Variants in LRRTM4 observed in about 807,000 individuals in gnomAD.
LRRTM4 encodes leucine rich repeat transmembrane neuronal 4, also known as leucine-rich repeat transmembrane neuronal protein 4.
In LRRTM4, 25 loss-of-function variants were observed where a neutral mutation model predicts 47.6. The observed-to-expected ratio is 0.53, with a 90% CI of 0.38 to 0.73. LRRTM4 has a LOEUF of 0.73. Among genes scored for constraint, LRRTM4 ranks in the 30% least tolerant of loss-of-function variants. The probability of loss-of-function intolerance (pLI) is 0.00; values close to 1 mark genes in which losing one functional copy is unlikely to be tolerated. For missense variants in LRRTM4, 638 were observed against 713.4 expected (o/e 0.89, Z 1.20); for synonymous variants, 311 against 269.5 (o/e 1.15, Z -1.51).
At chr2:77,215,339 G>T (rs542986535) in intron 3 of LRRTM4, among the ~76,000 whole-genome samples, 61 of 152,252 alleles carry the variant, frequency 4.0e-4, no homozygotes, top group African/African-American at 1.3e-3. Context: ...TAGTAAAAAG[G>T]TGTTTTAGAT....
chr2:77,145,203 ATGTGTGTGTG>A (rs575140760), intron 3 of LRRTM4, among the ~76,000 whole-genome samples: 1 of 147,956 alleles, frequency 6.8e-6, no homozygotes, highest in African/African-American at 2.5e-5. Context: ...ACAGATATGT[ATGTGTGTGTG>A]TGTGTGTGTG....
chr2:76,786,382 TCCC>T (rs750830287), intron 3 of LRRTM4, among the ~76,000 whole-genome samples: 2 of 152,078 alleles, frequency 1.3e-5, no homozygotes, highest in African/African-American at 4.8e-5. Context: ...GGCAAATTGG[TCCC>T]CCAAGACTCC....
chr2:76,895,320 T>C (rs1673376637), intron 3 of LRRTM4, among the ~76,000 whole-genome samples: 1 of 152,078 alleles, frequency 6.6e-6, no homozygotes, highest in Non-Finnish European at 1.5e-5. Flanking sequence ...TACTCTCCAA[T>C]TGCTGTACCC....
intron 3 of LRRTM4, among the ~76,000 whole-genome samples, chr2:76,771,787 TA>T (rs1411700013): frequency 3.3e-5 from 5 of 152,166 alleles, no homozygotes; most frequent in African/African-American, 1.2e-4. Flanking sequence ...CCTTTGCCTC[TA>T]ATGCTGTAGA....
intron 3 of LRRTM4, among the ~76,000 whole-genome samples, chr2:77,316,552 CTTT>C (rs11302099): frequency 2.1e-5 from 3 of 146,218 alleles, no homozygotes; most frequent in Non-Finnish European, 4.5e-5. Flanking sequence ...AAATTGCTAT[CTTT>C]TTTTTTTTTT....
chr2:77,175,898 A>G (rs1673182853), intron 3 of LRRTM4, among the ~76,000 whole-genome samples: 2 of 151,312 alleles, frequency 1.3e-5, no homozygotes, highest in Non-Finnish European at 2.9e-5. Context: ...ACCTCAAGTG[A>G]TCTGCCTGCC....
chr2:77,005,413 G>A (rs769517318), intron 3 of LRRTM4, among the ~76,000 whole-genome samples: 80 of 152,168 alleles, frequency 5.3e-4, no homozygotes, highest in Non-Finnish European at 5.6e-4. Context: ...AAAGTGCTGG[G>A]ATTACAGGCG....
chr2:77,273,070 G>A (rs2104076026), intron 3 of LRRTM4, among the ~76,000 whole-genome samples: 1 of 152,056 alleles, frequency 6.6e-6, no homozygotes, highest in East Asian at 1.9e-4. Context: ...AATTATAATG[G>A]GACCACTTTA....
intron 3 of LRRTM4, among the ~76,000 whole-genome samples, chr2:76,795,405 C>G (rs963188951): frequency 6.6e-6 from 1 of 150,796 alleles, no homozygotes; most frequent in South Asian, 2.1e-4. Flanking sequence ...CTATACTGAA[C>G]ATGTAAAGAT....
At chr2:77,432,569 A>T (rs1166947382) in intron 3 of LRRTM4, among the ~76,000 whole-genome samples, 1 of 152,256 alleles carries the variant, frequency 6.6e-6, no homozygotes, top group Non-Finnish European at 1.5e-5. Context: ...GACATATGGG[A>T]TACAACATTC....
At chr2:76,835,160 CCAAA>C (rs1313267868) in intron 3 of LRRTM4, among the ~76,000 whole-genome samples, 2 of 151,862 alleles carry the variant, frequency 1.3e-5, no homozygotes, top group Admixed American at 6.6e-5. Context: ...ACCTAAATTC[CCAAA>C]CAGAGCTCAT....
At chr2:77,091,042 C>G (rs1397880277) in intron 3 of LRRTM4, among the ~76,000 whole-genome samples, 1 of 152,088 alleles carries the variant, frequency 6.6e-6, no homozygotes, top group East Asian at 1.9e-4. Context: ...TTCTAAACCT[C>G]TTAAAACTCC....
chr2:76,973,870 T>G (rs544931717), intron 3 of LRRTM4, among the ~76,000 whole-genome samples: 13 of 151,968 alleles, frequency 8.6e-5, no homozygotes, highest in Admixed American at 5.9e-4. Flanking sequence ...GCTGAGATTA[T>G]GTGTCATGGG....
At chr2:77,443,387 G>A (rs1379261367) in intron 3 of LRRTM4, among the ~76,000 whole-genome samples, 1 of 152,030 alleles carries the variant, frequency 6.6e-6, no homozygotes, top group Non-Finnish European at 1.5e-5. Flanking sequence ...TGGCACCAGG[G>A]AAAATATAAT....
chr2:77,235,752 C>A (rs1675087489), intron 3 of LRRTM4, among the ~76,000 whole-genome samples: 1 of 152,136 alleles, frequency 6.6e-6, no homozygotes. Flanking sequence ...GCTATCCCAG[C>A]ATTATTTATT....
chr2:76,786,967 C>T (rs1363913812), intron 3 of LRRTM4, among the ~76,000 whole-genome samples: 1 of 151,942 alleles, frequency 6.6e-6, no homozygotes, highest in African/African-American at 2.4e-5. Context: ...CAAAATTTAC[C>T]TACATTTTTT....
intron 3 of LRRTM4, among the ~76,000 whole-genome samples, chr2:76,882,420 G>A (rs534318058): frequency 6.6e-6 from 1 of 151,908 alleles, no homozygotes. Context: ...GGCCAGGCAC[G>A]GTGGCTCACA....
At chr2:76,796,403 A>C (rs1395223609) in intron 3 of LRRTM4, among the ~76,000 whole-genome samples, 3 of 131,504 alleles carry the variant, frequency 2.3e-5, no homozygotes, top group Non-Finnish European at 4.8e-5. Flanking sequence ...ACCTCTGCAG[A>C]CTTAAATGTC....
At chr2:77,403,772 G>A (rs1313256075) in intron 3 of LRRTM4, among the ~76,000 whole-genome samples, 1 of 151,258 alleles carries the variant, frequency 6.6e-6, no homozygotes, top group Non-Finnish European at 1.5e-5. Flanking sequence ...CCCTAGCCCC[G>A]ACTCTACCCT....
Sources: allele counts gnomAD v4.1 joint callset (sites outside exome capture counted in the v4.1 genomes callset), GRCh38; gene constraint gnomAD v4.1.1; transcripts MANE v1.5; gene names NCBI Gene and HGNC (gene_info 2026-07-23, HGNC 2026-07-21).